ZFP1: variants seen among roughly 807,000 people sequenced by gnomAD.
ZFP1 encodes the protein ZFP1 zinc finger protein, also known as zinc finger protein 1 homolog.
A neutral mutation model predicts 38.5 loss-of-function variants in ZFP1; 32 were observed. That is an observed-to-expected ratio of 0.83 (90% CI 0.63 to 1.12). The LOEUF is 1.12. Among genes scored for constraint, ZFP1 ranks in the 50% most tolerant of loss-of-function variants. The pLI is 0.00. For synonymous variants in ZFP1, 245 were observed against 168.8 expected (o/e 1.45, Z -3.50); for missense variants, 616 against 480.8 (o/e 1.28, Z -2.63).
the ZFP1 span, among the ~76,000 whole-genome samples, chr16:75,142,541 T>A: frequency 6.6e-6 from 1 of 152,144 alleles, no homozygotes; most frequent in African/African-American, 2.4e-5. Flanking sequence ...CCCAAAAGTG[T>A]CTCTAGCACC....
chr16:75,119,400 C>CTT, the ZFP1 span, among the ~76,000 whole-genome samples: 3 of 148,912 alleles, frequency 2.0e-5, no homozygotes, highest in African/African-American at 7.4e-5. Flanking sequence ...TACAACTCCT[C>CTT]TTTTTTTTTT....
chr16:75,124,556 G>C, the ZFP1 span, among the ~76,000 whole-genome samples: 3 of 150,394 alleles, frequency 2.0e-5, no homozygotes, highest in Non-Finnish European at 4.4e-5. Context: ...GGCTGAGGCG[G>C]GTGGATCATG....
chr16:75,132,460 T>C, the ZFP1 span: 1 of 152,122 alleles, frequency 6.6e-6, no homozygotes, highest in Non-Finnish European at 1.5e-5. Flanking sequence ...CTTGTGGTAT[T>C]GAATATATTT....
intron 1 of ZFP1, among the ~76,000 whole-genome samples, chr16:75,151,265 C>G (rs1351752773): frequency 6.6e-6 from 1 of 151,744 alleles, no homozygotes; most frequent in African/African-American, 2.4e-5. Context: ...AAACAAACTG[C>G]TTATAGACAG....
At chr16:75,164,491 T>C (rs1381798901) in intron 2 of ZFP1, among the ~76,000 whole-genome samples, 2 of 152,208 alleles carry the variant, frequency 1.3e-5, no homozygotes, top group Non-Finnish European at 2.9e-5. Context: ...ACTTTTAATA[T>C]GTTTTGCTGG....
intron 2 of ZFP1, 21 bp from the exon 3 acceptor site, chr16:75,166,749 A>C: frequency 1.9e-6 from 3 of 1,614,158 alleles, no homozygotes; most frequent in Non-Finnish European, 2.5e-6. Context: ...TCTTAGGATG[A>C]ATAACAATAT....
chr16:75,154,394 C>G (rs529482978), intron 2 of ZFP1, among the ~76,000 whole-genome samples: 7 of 152,236 alleles, frequency 4.6e-5, no homozygotes, highest in African/African-American at 1.7e-4. Flanking sequence ...ATAAATAAAG[C>G]TGTTATAAAC....
At chr16:75,164,651 T>C (rs7188165) in intron 2 of ZFP1, among the ~76,000 whole-genome samples, 143,512 of 152,148 alleles carry the variant, frequency 0.94, 67,805 homozygotes, top group African/African-American at 0.99. Flanking sequence ...AAACTCTGGC[T>C]CGTTGTCCAG....
intron 1 of ZFP1, 132 bp from the exon 2 acceptor site, chr16:75,152,777 G>C: frequency 1.4e-6 from 1 of 701,024 alleles, no homozygotes; most frequent in Admixed American, 2.7e-5. Flanking sequence ...CCCTTCTGAA[G>C]AGGCAAAGGG....
chr16:75,145,658 A>G (rs1435777634), upstream of ZFP1, among the ~76,000 whole-genome samples: 9 of 152,214 alleles, frequency 5.9e-5, no homozygotes, highest in Admixed American at 5.9e-4. Flanking sequence ...AGCATTGAAG[A>G]GGTAGCTGGA....
chr16:75,129,809 C>T, the ZFP1 span, among the ~76,000 whole-genome samples: 2 of 152,098 alleles, frequency 1.3e-5, no homozygotes, highest in African/African-American at 4.8e-5. Context: ...TGAGATCTGC[C>T]TCAGATTTTT....
At chr16:75,164,883 G>T (rs777791622) in intron 2 of ZFP1, among the ~76,000 whole-genome samples, 1 of 151,562 alleles carries the variant, frequency 6.6e-6, no homozygotes, top group African/African-American at 2.4e-5. Context: ...TCGACTTACC[G>T]CAACGTCCAC....
the ZFP1 span, among the ~76,000 whole-genome samples, chr16:75,139,464 G>A: frequency 6.6e-6 from 1 of 151,454 alleles, no homozygotes; most frequent in Admixed American, 6.6e-5. Context: ...GGTTGAACCA[G>A]GAGGATTGCT....
chr16:75,162,608 AT>A (rs1272519019), intron 2 of ZFP1, among the ~76,000 whole-genome samples: 2 of 152,208 alleles, frequency 1.3e-5, no homozygotes, highest in Middle Eastern at 3.4e-3. Flanking sequence ...TTGGGGTATG[AT>A]TGATCATGTC....
chr16:75,121,585 T>C, the ZFP1 span, among the ~76,000 whole-genome samples: 1 of 152,222 alleles, frequency 6.6e-6, no homozygotes, highest in Non-Finnish European at 1.5e-5. Context: ...AGCTGACAAC[T>C]GCCTAGGGTT....
At chr16:75,146,593 G>T (rs2145480372), upstream of ZFP1, among the ~76,000 whole-genome samples, 1 of 152,248 alleles carries the variant, frequency 6.6e-6, no homozygotes, top group Non-Finnish European at 1.5e-5. Flanking sequence ...TTCAGTAGGT[G>T]AATGGATTTA....
intron 2 of ZFP1, chr16:75,166,524 T>A (rs147173740): frequency 3.1e-5 from 31 of 984,950 alleles, no homozygotes; most frequent in Non-Finnish European, 3.7e-5. Context: ...CCACTATGCC[T>A]GGCCAATAGT....
upstream of ZFP1, among the ~76,000 whole-genome samples, chr16:75,147,235 C>G: frequency 6.6e-6 from 1 of 152,104 alleles, no homozygotes; most frequent in Non-Finnish European, 1.5e-5. Flanking sequence ...GAATGTACAA[C>G]ATCAAGTGAA....
the ZFP1 span, among the ~76,000 whole-genome samples, chr16:75,138,130 G>A: frequency 2.9e-5 from 4 of 139,026 alleles, no homozygotes; most frequent in Admixed American, 8.0e-5. Flanking sequence ...TCCACCTCCC[G>A]GGTTCAAGTG....
Sources: gnomAD v4.1 joint callset for allele counts (sites outside exome capture counted in the v4.1 genomes callset) on GRCh38, gnomAD v4.1.1 for gene constraint, MANE v1.5 for transcripts, NCBI Gene and HGNC (gene_info 2026-07-23, HGNC 2026-07-21) for gene names.